Variants in SYN1 observed in about 807,000 individuals in gnomAD.
SYN1 encodes synapsin-1.
In SYN1, 8 loss-of-function variants were observed where a neutral mutation model predicts 44.6. The ratio of observed to expected loss-of-function variants is 0.18; its 90% CI spans 0.11 to 0.32. SYN1 has a LOEUF of 0.32. SYN1 is among the 10% of genes least tolerant of loss of function. SYN1 has a pLI of 1.00. For missense variants in SYN1, 451 were observed against 639.4 expected (o/e 0.71, Z 3.18); for synonymous variants, 275 against 280.1 (o/e 0.98, Z 0.18).
intron 5 of SYN1, chrX:47,584,854 G>A: frequency 2.3e-6 from 2 of 858,171 alleles, no homozygotes; most frequent in South Asian, 4.4e-5. Flanking sequence ...CGCTTTGCTG[G>A]TATGATGATG....
Position 47,573,641 on chromosome X carries a change from C to CGG in SYN1, c.1982+359_1982+360dup, listed in dbSNP as rs767873056. Among the ~76,000 whole-genome samples the CGG allele has an allele frequency of 2.7e-5, 3 of 109,416 alleles. No individual in the cohort carries two copies. In the South Asian group the frequency reaches 1.2e-3, roughly 43 times the overall value. On this transcript the variant is annotated intron_variant, in intron 12 of 12. Coordinates refer to ENST00000295987, the MANE Select transcript of SYN1 (RefSeq NM_006950.3). Reference sequence around the variant, plus strand: ...AGGAGTTTTAGGGATGGGTTGGTGGCGGGGGGGCGAGTTTGGCAGGGAAGG... The same window carrying CGG: ...AGGAGTTTTAGGGATGGGTTGGTGGCGGGGGGGGGCGAGTTTGGCAGGGAAGG...
chrX:47,616,762 G>A (rs980402744), intron 1 of SYN1, among the ~76,000 whole-genome samples: 5 of 111,774 alleles, frequency 4.5e-5, no homozygotes, highest in Non-Finnish European at 9.4e-5. Context: ...GGACTAATTC[G>A]GGGAGAAAAA....
chrX:47,586,468 C>T lies in SYN1; in HGVS notation c.775-8967G>A, dbSNP rs2057827096. On this transcript the variant is annotated intron_variant, in intron 5 of 12. Coordinates refer to ENST00000295987, the MANE Select transcript of SYN1 (RefSeq NM_006950.3). ...AAAGCTGAGGAGAGGAAGTTCTGCT[C>T]CACGGGGGAGGCAGGGAGAAGCCCT... 56 of 1,186,802 alleles carry T rather than the reference C, an allele frequency of 4.7e-5. 1 individual carries two copies. In the South Asian group the frequency reaches 9.7e-4, roughly 20 times the overall value.
In SYN1 at chrX:47,572,701, G is replaced by T; in HGVS notation, c.*163C>A. On this transcript the variant is annotated 3_prime_UTR_variant, in exon 13 of 13. Transcript: ENST00000295987. ...AGAACCGGATTTAGGGCCAGGAGGAGTCAGGTTTCTCAAGGTACTCGGGGA... is the reference window on the plus strand; with the variant it reads ...AGAACCGGATTTAGGGCCAGGAGGATTCAGGTTTCTCAAGGTACTCGGGGA... 1 of 735,997 alleles carries T rather than the reference G, an allele frequency of 1.4e-6. No homozygotes were observed. Among genetic ancestry groups the T allele is most frequent in the Admixed American group, 3.1e-5 (1 of 32,699 alleles). 60.7% of individuals were successfully genotyped at this position (735,997 alleles called of 1,213,427 possible). A position where few individuals can be genotyped will look rare whatever the true frequency, so the allele number is the denominator to read the frequency against.
At chrX:47,586,138 A>G in intron 5 of SYN1, 1 of 941,106 alleles carries the variant, frequency 1.1e-6, no homozygotes, top group Non-Finnish European at 1.3e-6. Context: ...ATGGCTCCTG[A>G]TGGCCTCTGA....
intron 1 of SYN1, among the ~76,000 whole-genome samples, chrX:47,614,718 A>G (rs1009013219): frequency 8.9e-6 from 1 of 111,788 alleles, no homozygotes; most frequent in African/African-American, 3.3e-5. Flanking sequence ...CTGATGGCTC[A>G]TAGGTGTCCC....
At position 47,574,224 on chromosome X, in the gene SYN1, C is replaced by A; in HGVS notation, c.1760G>T (p.Arg587Leu). Residue 587 changes from arginine to leucine, a missense_variant, in exon 12 of 13, where the codon CGC (arginine) becomes CTC (leucine). By Grantham distance (102) the Arg-to-Leu change is moderately radical. Around this residue, in one of 3 missense-constraint regions of SYN1, gnomAD observed 127 missense variants for 154.8 expected, o/e 0.82. Coordinates refer to ENST00000295987, the MANE Select transcript of SYN1 (RefSeq NM_006950.3). ...ASGAPPGGQQ[R>L]QGPPQKPPGP... ...TGGGGGTTTCTGGGGCGGGCCCTGG[C>A]GCTGCTGCCCGCCCGGTGGGGCCCC... The A allele has an allele frequency of 9.2e-7, 1 of 1,087,816 alleles. No individual in the cohort carries two copies. Among genetic ancestry groups the A allele is most frequent in the Non-Finnish European group, 1.2e-6 (1 of 841,220 alleles). The allele number at this position is 1,087,816 out of a possible 1,213,427, so 89.6% of individuals were successfully genotyped here. A position where few individuals can be genotyped will look rare whatever the true frequency, so the allele number is the denominator to read the frequency against.
intron 5 of SYN1, among the ~76,000 whole-genome samples, chrX:47,603,021 T>A (rs1249923605): frequency 9.0e-6 from 1 of 110,857 alleles, no homozygotes; most frequent in Non-Finnish European, 1.9e-5. Flanking sequence ...TGATTTTTTT[T>A]ATAATAGCAG....
At chrX:47,584,852 T>G (rs933519092) in intron 5 of SYN1, 5 of 844,497 alleles carry the variant, frequency 5.9e-6, no homozygotes, top group African/African-American at 2.0e-5. Context: ...TGCGCTTTGC[T>G]GGTATGATGA....
intron 5 of SYN1, among the ~76,000 whole-genome samples, chrX:47,604,115 G>A (rs2057888716): frequency 9.2e-6 from 1 of 109,104 alleles, no homozygotes; most frequent in East Asian, 2.9e-4. Flanking sequence ...CTCCATGTTG[G>A]TCAGGCTGGT....
At chrX:47,619,276 G>A in intron 1 of SYN1, 76 bp downstream of exon 1, 1 of 1,177,936 alleles carries the variant, frequency 8.5e-7, no homozygotes, top group Non-Finnish European at 1.1e-6. Context: ...CACAAGCGGC[G>A]CTCGATAATT....
chrX:47,600,249 T>G (rs1045132563), intron 5 of SYN1, among the ~76,000 whole-genome samples: 1 of 109,479 alleles, frequency 9.1e-6, no homozygotes, highest in Admixed American at 9.8e-5. Context: ...TGGAGTGCAG[T>G]GGTGCAATCT....
At position 47,588,798 on chromosome X, in the gene SYN1, GGGGTCACAGCCATGT is replaced by G. The variant is rs1172059379; in HGVS notation, c.775-11312_775-11298del. On this transcript the variant is annotated intron_variant, in intron 5 of 12. Transcript: ENST00000295987. ...TGTGACAGCTGAGAGGAAGCTTGTA[GGGGTCACAGCCATGT>G]GGTATTCAGCATGGGACCCAGCTCA... is the stretch of plus-strand genomic sequence containing the variant. Among the ~76,000 whole-genome samples the G allele has an allele frequency of 1.9e-4, 21 of 111,969 alleles. 1 individual carries two copies. In the East Asian group the frequency reaches 5.6e-3, roughly 30 times the overall value.
chrX:47,619,747 G>T lies in SYN1; in HGVS notation c.-19C>A, dbSNP rs970890291. ...AGTTCATGGCTGCGACTTGGGGCAGGGGGTCCTAGGGGTGGTCTGGCCAGG... is the reference window on the plus strand; with the variant it reads ...AGTTCATGGCTGCGACTTGGGGCAGTGGGTCCTAGGGGTGGTCTGGCCAGG... On this transcript the variant is annotated 5_prime_UTR_variant, in exon 1 of 13. Transcript: ENST00000295987. The T allele has an allele frequency of 4.3e-6, 5 of 1,156,123 alleles. No individual in the cohort carries two copies. The highest frequency in any genetic ancestry group is 5.8e-6 in the Non-Finnish European group (5 of 866,826).
intron 3 of SYN1, among the ~76,000 whole-genome samples, chrX:47,605,729 C>A (rs999043010): frequency 9.0e-6 from 1 of 110,503 alleles, no homozygotes; most frequent in Non-Finnish European, 1.9e-5. Context: ...CAAGGCTGTT[C>A]CATCTGCCTA....
chrX:47,578,748 C>T (rs1038889742), intron 5 of SYN1, among the ~76,000 whole-genome samples: 1 of 111,799 alleles, frequency 8.9e-6, no homozygotes, highest in Non-Finnish European at 1.9e-5. Context: ...CCCTCCCTCT[C>T]GCTGACAAGG....
intron 5 of SYN1, among the ~76,000 whole-genome samples, chrX:47,595,874 A>G (rs2057862342): frequency 1.8e-5 from 2 of 112,427 alleles, no homozygotes; most frequent in African/African-American, 6.5e-5. Flanking sequence ...AAGCAATGAG[A>G]ACACTGGCAA....
Position 47,585,625 on chromosome X carries a change from G to A in SYN1, c.775-8124C>T, listed in dbSNP as rs1358727420. 3 of 1,141,456 alleles carry A rather than the reference G, an allele frequency of 2.6e-6. No homozygotes were observed. The Admixed American group carries it at 7.2e-5, about 27-fold the overall frequency. 94.1% of individuals were successfully genotyped at this position (1,141,456 alleles called of 1,213,427 possible). On this transcript the variant is annotated intron_variant, in intron 5 of 12. Transcript: ENST00000295987. ...ACAGCCTGAGCTTAGCTCAGCGCCG[G>A]GGCTTCACCAAGACCTACACTGTTG...
chrX:47,580,045 C>T (rs969615816), intron 5 of SYN1, among the ~76,000 whole-genome samples: 1 of 110,110 alleles, frequency 9.1e-6, no homozygotes, highest in African/African-American at 3.3e-5. Flanking sequence ...ATCGGGCATA[C>T]AGTAAGCCTC....
Sources: allele counts gnomAD v4.1 joint callset (sites outside exome capture counted in the v4.1 genomes callset), GRCh38; gene constraint gnomAD v4.1.1; regional missense constraint gnomAD v4.1.1; transcripts MANE v1.5; gene names NCBI Gene and HGNC (gene_info 2026-07-23, HGNC 2026-07-21).